CMSS1: variants seen among roughly 807,000 people sequenced by gnomAD.
CMSS1 encodes cms1 ribosomal small subunit homolog, also known as protein CMSS1.
Under a neutral mutation model 43.5 loss-of-function variants are expected in CMSS1, and 33 were observed. The ratio of observed to expected loss-of-function variants is 0.76; its 90% CI spans 0.57 to 1.01. The LOEUF is 1.01. Ranked by LOEUF, CMSS1 falls within the 50% of genes least tolerant of loss-of-function variation. The pLI, the probability that CMSS1 is intolerant of heterozygous loss-of-function variation, is 0.00. For missense variants in CMSS1, 313 were observed against 326.4 expected (o/e 0.96, Z 0.32); for synonymous variants, 115 against 117.2 (o/e 0.98, Z 0.12).
At chr3:100,108,105 G>T (rs1384141526) in intron 1 of CMSS1, among the ~76,000 whole-genome samples, 2 of 152,172 alleles carry the variant, frequency 1.3e-5, no homozygotes, top group Admixed American at 6.6e-5. Context: ...GGGTCCCAAA[G>T]AAAATACATG....
intron 1 of CMSS1, among the ~76,000 whole-genome samples, chr3:99,954,990 C>G (rs77226851): frequency 0.097 from 14,726 of 152,272 alleles, 851 homozygotes; most frequent in African/African-American, 0.16. Context: ...ATTCTCCTCT[C>G]ATCTGTTTTG....
At chr3:99,945,179 TG>T (rs1282984746) in intron 1 of CMSS1, among the ~76,000 whole-genome samples, 1 of 152,216 alleles carries the variant, frequency 6.6e-6, no homozygotes, top group African/African-American at 2.4e-5. Flanking sequence ...GGTTAAGTCC[TG>T]GGTTCTTCAG....
chr3:100,048,882 C>T (rs2065322823), intron 1 of CMSS1, among the ~76,000 whole-genome samples: 1 of 152,110 alleles, frequency 6.6e-6, no homozygotes, highest in Non-Finnish European at 1.5e-5. Flanking sequence ...ATATGATGGC[C>T]TAGACTGATT....
chr3:100,154,048 C>T (rs565593019), intron 2 of CMSS1, among the ~76,000 whole-genome samples: 10 of 152,096 alleles, frequency 6.6e-5, no homozygotes, highest in Admixed American at 3.9e-4. Flanking sequence ...CGGGGTTTCA[C>T]CTTGTTGGCG....
At chr3:99,914,658 A>C (rs568648659) in intron 1 of CMSS1, among the ~76,000 whole-genome samples, 1 of 152,228 alleles carries the variant, frequency 6.6e-6, no homozygotes, top group African/African-American at 2.4e-5. Flanking sequence ...CAGTTTAGCT[A>C]TAGGTTTTAT....
intron 1 of CMSS1, among the ~76,000 whole-genome samples, chr3:99,903,287 T>C (rs1706498313): frequency 6.6e-6 from 1 of 151,928 alleles, no homozygotes; most frequent in Admixed American, 6.6e-5. Context: ...AATCTCGCTC[T>C]GTCACCCAGG....
At chr3:99,825,319 C>T (rs952769816) in intron 1 of CMSS1, among the ~76,000 whole-genome samples, 2 of 152,114 alleles carry the variant, frequency 1.3e-5, no homozygotes, top group African/African-American at 4.8e-5. Context: ...TGATGTGGTT[C>T]AGTCAAAATG....
chr3:99,923,204 C>T (rs554300218), intron 1 of CMSS1, among the ~76,000 whole-genome samples: 1 of 152,208 alleles, frequency 6.6e-6, no homozygotes, highest in African/African-American at 2.4e-5. Context: ...CACACCAACA[C>T]CCACAGTTTC....
At chr3:100,091,126 A>T (rs531153710) in intron 1 of CMSS1, among the ~76,000 whole-genome samples, 1 of 152,068 alleles carries the variant, frequency 6.6e-6, no homozygotes, top group African/African-American at 2.4e-5. Context: ...TCTACTAAAA[A>T]TACAAAAACT....
intron 1 of CMSS1, chr3:100,010,194 AT>A: frequency 1.1e-6 from 1 of 893,584 alleles, no homozygotes; most frequent in Non-Finnish European, 1.3e-6. Context: ...AAGTATTGCT[AT>A]TTTTATCAAA....
intron 2 of CMSS1, 40 bp from the exon 3 acceptor site, chr3:100,160,390 A>C: frequency 9.5e-7 from 1 of 1,058,072 alleles, no homozygotes; most frequent in South Asian, 1.3e-5. Context: ...ACACTTTATC[A>C]TGAAAAGATT....
chr3:99,824,076 C>T (rs936599286), intron 1 of CMSS1, among the ~76,000 whole-genome samples: 1 of 152,108 alleles, frequency 6.6e-6, no homozygotes, highest in African/African-American at 2.4e-5. Flanking sequence ...GCGCCTGCCA[C>T]CACACCCAGC....
chr3:99,886,602 A>C (rs1005705661), intron 1 of CMSS1, among the ~76,000 whole-genome samples: 2 of 148,340 alleles, frequency 1.3e-5, no homozygotes, highest in African/African-American at 5.0e-5. Context: ...CAAAGGCCCA[A>C]AAAAAAATTA....
In CMSS1 at chr3:100,062,093, C is replaced by CTTTTTTTTTTTTTTTTTTTTTTTT. The variant is rs71907944; in HGVS notation, c.65-84867_65-84844dup. ...CCACTTGTGGTTATCCTGTCTTCTT[C>CTTTTTTTTTTTTTTTTTTTTTTTT]TTTTTTTTTTTTTTTTTTTTTTTTT... On this transcript the variant is annotated intron_variant, in intron 1 of 9. Transcript: ENST00000421999. Among the ~76,000 whole-genome samples, 9 of 53,182 alleles carry CTTTTTTTTTTTTTTTTTTTTTTTT rather than the reference C, an allele frequency of 1.7e-4. 2 individuals carry two copies. Among genetic ancestry groups the CTTTTTTTTTTTTTTTTTTTTTTTT allele is most frequent in the Non-Finnish European group, 2.4e-4 (7 of 29,474 alleles). The allele number at this position is 53,182 out of a possible 152,430, so 34.9% of individuals were successfully genotyped here.
intron 1 of CMSS1, among the ~76,000 whole-genome samples, chr3:99,983,148 C>G (rs1709176951): frequency 6.6e-6 from 1 of 151,408 alleles, no homozygotes; most frequent in Non-Finnish European, 1.5e-5. Context: ...GCCTTAAGTG[C>G]CATTTGAAAA....
chr3:100,054,187 G>T (rs555704229), intron 1 of CMSS1, among the ~76,000 whole-genome samples: 4 of 152,182 alleles, frequency 2.6e-5, no homozygotes, highest in Admixed American at 2.0e-4. Flanking sequence ...TACTGTGAAG[G>T]AGGTTCAGAG....
At chr3:100,073,757 C>T (rs548523021) in intron 1 of CMSS1, among the ~76,000 whole-genome samples, 2 of 152,138 alleles carry the variant, frequency 1.3e-5, no homozygotes, top group African/African-American at 2.4e-5. Context: ...AGGGTGTGTG[C>T]CGGGCAAGAT....
At chr3:99,959,910 A>G (rs1019337525) in intron 1 of CMSS1, among the ~76,000 whole-genome samples, 7 of 152,158 alleles carry the variant, frequency 4.6e-5, no homozygotes, top group African/African-American at 1.4e-4. Context: ...GACCACTCCC[A>G]TTGTACAAAG....
At chr3:100,168,311 G>A (rs2067081318) in intron 6 of CMSS1, among the ~76,000 whole-genome samples, 1 of 152,152 alleles carries the variant, frequency 6.6e-6, no homozygotes, top group Admixed American at 6.5e-5. Flanking sequence ...CTGCTGTGTG[G>A]AGAGCACACA....
Sources: allele counts gnomAD v4.1 joint callset (sites outside exome capture counted in the v4.1 genomes callset), GRCh38; gene constraint gnomAD v4.1.1; transcripts MANE v1.5; gene names NCBI Gene and HGNC (gene_info 2026-07-23, HGNC 2026-07-21).